The following SMOC2 variants were observed in gnomAD, a reference collection of about 807,000 sequenced individuals.
SMOC2 encodes the protein SPARC related modular calcium binding 2.
Under a neutral mutation model 61.4 loss-of-function variants are expected in SMOC2, and 39 were observed. That is an observed-to-expected ratio of 0.64 (90% CI 0.49 to 0.83). The LOEUF (loss-of-function observed/expected upper bound fraction) is 0.83, where lower values mean the gene tolerates loss of function less well. Ranked by LOEUF, SMOC2 falls within the 40% of genes least tolerant of loss-of-function variation. The probability of loss-of-function intolerance (pLI) is 0.00; values close to 1 mark genes in which losing one functional copy is unlikely to be tolerated. For synonymous variants in SMOC2, 247 were observed against 239.9 expected, an observed-to-expected ratio of 1.03 and a Z score of -0.27; for missense variants, 556 against 592.9, an observed-to-expected ratio of 0.94 and a Z score of 0.65.
chr6:168,565,332 G>A (rs1264236850), intron 7 of SMOC2, among the ~76,000 whole-genome samples: 3 of 152,188 alleles, frequency 2.0e-5, no homozygotes, highest in African/African-American at 7.2e-5. Context: ...GTGCTGGCAG[G>A]GCTGGCCTGG....
chr6:168,615,139 C>A, intron 9 of SMOC2, among the ~76,000 whole-genome samples: 1 of 16,812 alleles, frequency 5.9e-5, no homozygotes. Flanking sequence ...CTACAGCCAG[C>A]ACAGGGGGCC....
At chr6:168,573,789 C>T (rs906788707) in intron 7 of SMOC2, among the ~76,000 whole-genome samples, 3 of 152,260 alleles carry the variant, frequency 2.0e-5, no homozygotes, top group Admixed American at 6.5e-5. Context: ...GTGCCCCCGA[C>T]GTGGGGGCCC....
chr6:168,526,773 T>C (rs1285961464), intron 3 of SMOC2, among the ~76,000 whole-genome samples: 1 of 152,198 alleles, frequency 6.6e-6, no homozygotes, highest in Non-Finnish European at 1.5e-5. Flanking sequence ...CTAACCTGGC[T>C]TGCAGCTTAG....
intron 1 of SMOC2, among the ~76,000 whole-genome samples, chr6:168,498,173 T>C (rs1272514875): frequency 6.6e-6 from 1 of 152,246 alleles, no homozygotes; most frequent in Non-Finnish European, 1.5e-5. Context: ...TTTCACCGAA[T>C]AACACAGTCT....
At chr6:168,662,703 T>C (rs954877124) in intron 11 of SMOC2, among the ~76,000 whole-genome samples, 4 of 152,240 alleles carry the variant, frequency 2.6e-5, no homozygotes, top group South Asian at 4.1e-4. Flanking sequence ...TGGTGAGGTG[T>C]CTGCTCGGGT....
chr6:168,535,842 A>C lies in SMOC2; in HGVS notation c.464-7783A>C. 6.6e-6 allele frequency among the ~76,000 whole-genome samples: 1 copy of C among 151,358 alleles called. No homozygotes were observed. Among genetic ancestry groups the C allele is most frequent in the East Asian group, 1.9e-4 (1 of 5,136 alleles). On this transcript the variant is annotated intron_variant, in intron 4 of 12. Transcript: ENST00000356284. The surrounding 1 kb of genome is among the most constrained non-coding windows in gnomAD (Gnocchi z 4.6). ...TGATCCTGGGGACACGTGAGGAATA[A>C]CGCAGCAGTGATGCAGCTTCACGGC...
chr6:168,471,655 A>C (rs1026169039), intron 1 of SMOC2, among the ~76,000 whole-genome samples: 1 of 152,196 alleles, frequency 6.6e-6, no homozygotes, highest in African/African-American at 2.4e-5. Context: ...ATATCATTTT[A>C]TATTCCCACC....
At chr6:168,511,771 T>C (rs1455599116) in intron 2 of SMOC2, among the ~76,000 whole-genome samples, 1 of 151,096 alleles carries the variant, frequency 6.6e-6, no homozygotes, top group Non-Finnish European at 1.5e-5. Flanking sequence ...CACATGCACC[T>C]GTGGCTTTGC....
At chr6:168,630,101 C>T (rs1023904465) in intron 9 of SMOC2, among the ~76,000 whole-genome samples, 1 of 152,116 alleles carries the variant, frequency 6.6e-6, no homozygotes, top group South Asian at 2.1e-4. Context: ...TCTCGTTCAT[C>T]TCCAACTCAG....
intron 1 of SMOC2, among the ~76,000 whole-genome samples, chr6:168,481,521 T>C (rs1186818053): frequency 2.0e-5 from 3 of 151,804 alleles, no homozygotes; most frequent in Admixed American, 1.3e-4. Context: ...AGAGTATATA[T>C]GAAAGGAAGT....
chr6:168,508,187 G>A (rs575353609), intron 1 of SMOC2, among the ~76,000 whole-genome samples: 1 of 152,148 alleles, frequency 6.6e-6, no homozygotes, highest in Non-Finnish European at 1.5e-5. Context: ...TTCTTTTATT[G>A]GCGTGAAGAT....
At chr6:168,564,095 A>C (rs1378634151) in intron 7 of SMOC2, among the ~76,000 whole-genome samples, 1 of 152,254 alleles carries the variant, frequency 6.6e-6, no homozygotes, top group Non-Finnish European at 1.5e-5. Flanking sequence ...ATTATCAATA[A>C]GGTTTTGTAC....
At chr6:168,523,022 C>T (rs1026460848) in intron 2 of SMOC2, among the ~76,000 whole-genome samples, 3 of 148,846 alleles carry the variant, frequency 2.0e-5, no homozygotes, top group South Asian at 2.1e-4. Context: ...GCCACTGAAT[C>T]GTTCACTTTA....
At chr6:168,463,047 G>T (rs1357947058) in intron 1 of SMOC2, among the ~76,000 whole-genome samples, 1 of 152,200 alleles carries the variant, frequency 6.6e-6, no homozygotes, top group East Asian at 1.9e-4. Context: ...TCAAAAAGCG[G>T]TCCCATTCCC....
At chr6:168,650,135 A>T (rs2115272529) in intron 9 of SMOC2, among the ~76,000 whole-genome samples, 1 of 152,322 alleles carries the variant, frequency 6.6e-6, no homozygotes, top group South Asian at 2.1e-4. Flanking sequence ...TATGAGCACT[A>T]AACCCTGCTG....
At chr6:168,608,266 G>A (rs772731101) in intron 9 of SMOC2, 27 bp downstream of exon 9, 24 of 1,600,070 alleles carry the variant, frequency 1.5e-5, no homozygotes, top group East Asian at 1.3e-4. Context: ...AGTGTGGCCC[G>A]AATCCACAGG....
Position 168,530,327 on chromosome 6 carries a change from A to G in SMOC2, c.463+2600A>G, listed in dbSNP as rs1476713061. Among the ~76,000 whole-genome samples the G allele has an allele frequency of 2.6e-5, 4 of 152,182 alleles. No individual in the cohort carries two copies. The South Asian group carries it at 6.2e-4, about 24-fold the overall frequency. On this transcript the variant is annotated intron_variant, in intron 4 of 12. Coordinates refer to ENST00000356284, the MANE Select transcript of SMOC2 (RefSeq NM_001166412.2). ...TTGTCTCAGAAAGATCTTTAATAGG[A>G]AATGGATTCCTTTATTTCATAATCA...
At chr6:168,498,084 G>A (rs936420345) in intron 1 of SMOC2, among the ~76,000 whole-genome samples, 3 of 152,098 alleles carry the variant, frequency 2.0e-5, no homozygotes, top group Admixed American at 6.5e-5. Context: ...GCTGCCTCTC[G>A]GACATATTGT....
intron 1 of SMOC2, among the ~76,000 whole-genome samples, chr6:168,485,485 T>C (rs1173921768): frequency 6.6e-6 from 1 of 152,218 alleles, no homozygotes; most frequent in Non-Finnish European, 1.5e-5. Flanking sequence ...AGAATGTTAT[T>C]TGACCATAAA....
Sources: gnomAD v4.1 joint callset for allele counts (sites outside exome capture counted in the v4.1 genomes callset) on GRCh38, gnomAD v4.1.1 for gene constraint, Gnocchi (gnomAD v3.1) non-coding constraint, MANE v1.5 for transcripts, NCBI Gene and HGNC (gene_info 2026-07-23, HGNC 2026-07-21) for gene names.